The following SUCO variants were observed in gnomAD, a reference collection of about 807,000 sequenced individuals.
SUCO encodes the protein SUN domain containing ossification factor, also known as SUN domain-containing ossification factor.
SUCO carries 57 observed loss-of-function variants against 148.1 expected under a neutral mutation model. That is an observed-to-expected ratio of 0.38 (90% CI 0.31 to 0.48). SUCO has a LOEUF of 0.48. Among genes scored for constraint, SUCO ranks in the 20% least tolerant of loss-of-function variants. The probability of loss-of-function intolerance (pLI) is 0.96; values close to 1 mark genes in which losing one functional copy is unlikely to be tolerated. For missense variants in SUCO, 1,331 were observed against 1,468.2 expected, an observed-to-expected ratio of 0.91 and a Z score of 1.53; for synonymous variants, 470 against 502.7, an observed-to-expected ratio of 0.93 and a Z score of 0.87.
At chr1:172,595,910 A>G (rs1347390267) in intron 19 of SUCO, among the ~76,000 whole-genome samples, 1 of 152,222 alleles carries the variant, frequency 6.6e-6, no homozygotes, top group Non-Finnish European at 1.5e-5. Flanking sequence ...ACTTTCAGGT[A>G]CACCATTCAA....
Position 172,609,820 on chromosome 1 carries a change from A to T in SUCO, c.3326A>T (p.Lys1109Met). ...TTTCTTTTACTTGTGTTGTAGAAGA[A>T]GCGCTGCAAGTACAAAATTGAAAAA... ...PLKFSPEKKK[K>M]RCKYKIEKIE... is the part of the protein sequence containing the mutation. Residue 1109 changes from lysine to methionine, a missense_variant, in exon 24 of 24, where the codon AAG becomes ATG. Transcript: ENST00000263688. 1 of 1,590,934 alleles carries T rather than the reference A, an allele frequency of 6.3e-7. No individual in the cohort carries two copies. Among genetic ancestry groups the T allele is most frequent in the Non-Finnish European group, 8.5e-7 (1 of 1,173,076 alleles).
At chr1:172,570,641 TC>T (rs1377569392) in intron 8 of SUCO, 21 bp from the exon 9 acceptor site, 1 of 1,465,182 alleles carries the variant, frequency 6.8e-7, no homozygotes, top group African/African-American at 1.4e-5. Context: ...GTAATTTGTT[TC>T]CTTTCCTCTT....
At chr1:172,597,973 T>G (rs1319431827) in intron 19 of SUCO, among the ~76,000 whole-genome samples, 1 of 152,242 alleles carries the variant, frequency 6.6e-6, no homozygotes, top group Non-Finnish European at 1.5e-5. Context: ...AAGCCCAATA[T>G]ATCAGTTTTC....
At chr1:172,542,652 C>A in intron 1 of SUCO, 1 of 812,708 alleles carries the variant, frequency 1.2e-6, no homozygotes, top group Non-Finnish European at 1.5e-6. Context: ...TAATGGCCCC[C>A]CACCCCATCC....
intron 19 of SUCO, among the ~76,000 whole-genome samples, chr1:172,597,658 AT>A (rs1657221323): frequency 6.6e-6 from 1 of 152,104 alleles, no homozygotes; most frequent in Non-Finnish European, 1.5e-5. Flanking sequence ...AGGACTGGTA[AT>A]TATGACCGTT....
Position 172,533,235 on chromosome 1 carries a change from C to G in SUCO, c.-201C>G. Reference sequence around the variant, plus strand: ...GCGGTCCCCGGAGTCCTGTGAAGCGCCCCTGTCCGCGCCTCTGTGGGGCCC... The same window carrying G: ...GCGGTCCCCGGAGTCCTGTGAAGCGGCCCTGTCCGCGCCTCTGTGGGGCCC... On this transcript the variant is annotated 5_prime_UTR_variant, in exon 1 of 24. Transcript: ENST00000263688. 6.5e-7 allele frequency: 1 copy of G among 1,546,062 alleles called. No homozygotes were observed. Among genetic ancestry groups the G allele is most frequent in the Non-Finnish European group, 8.7e-7 (1 of 1,145,902 alleles).
At chr1:172,544,795 G>T (rs1231933384) in intron 1 of SUCO, among the ~76,000 whole-genome samples, 1 of 152,202 alleles carries the variant, frequency 6.6e-6, no homozygotes, top group Non-Finnish European at 1.5e-5. Context: ...AGAGAAGCTT[G>T]AGTTTTGTCA....
At chr1:172,576,428 T>C (rs1655444987) in intron 11 of SUCO, among the ~76,000 whole-genome samples, 1 of 151,716 alleles carries the variant, frequency 6.6e-6, no homozygotes, top group Non-Finnish European at 1.5e-5. Context: ...TATAAATAGG[T>C]AAACTTGTAG....
Position 172,570,716 on chromosome 1 carries a change from C to A in SUCO, c.1035C>A (p.Cys345Ter). Residue 345 changes from cysteine (C) to a stop codon, truncating the protein, a stop_gained, in exon 9 of 24, where the codon TGC becomes TGA. Transcript: ENST00000263688. LOFTEE classifies it high-confidence loss of function. ...ENMDLYMLNP[C>*]STKIWFVIEL... ...TGGATCTTTACATGTTGAATCCTTGCAGCACTAAAATTTGGTGAGTTATAC... is the reference window on the plus strand; with the variant it reads ...TGGATCTTTACATGTTGAATCCTTGAAGCACTAAAATTTGGTGAGTTATAC... 3 of 1,604,810 alleles carry A rather than the reference C, an allele frequency of 1.9e-6. No homozygotes were observed. Among genetic ancestry groups the A allele is most frequent in the Non-Finnish European group, 2.6e-6 (3 of 1,172,360 alleles).
At chr1:172,551,106 T>C (rs1430599515) in intron 1 of SUCO, among the ~76,000 whole-genome samples, 1 of 152,100 alleles carries the variant, frequency 6.6e-6, no homozygotes, top group Non-Finnish European at 1.5e-5. Context: ...AAAAATAATT[T>C]GGAAGCTTCT....
At chr1:172,594,859 C>T (rs150317086) in intron 19 of SUCO, among the ~76,000 whole-genome samples, 7 of 152,234 alleles carry the variant, frequency 4.6e-5, no homozygotes, top group East Asian at 1.9e-4. Flanking sequence ...ATTGATCTGT[C>T]GAATGTTGAC....
intron 1 of SUCO, among the ~76,000 whole-genome samples, chr1:172,538,409 G>A (rs1652185151): frequency 1.3e-5 from 2 of 152,034 alleles, no homozygotes; most frequent in African/African-American, 4.8e-5. Flanking sequence ...ATACATAAGT[G>A]AGCAGAAAAA....
At chr1:172,551,670 C>G (rs1407144053) in intron 2 of SUCO, 44 bp downstream of exon 2, 1 of 1,227,558 alleles carries the variant, frequency 8.1e-7, no homozygotes, top group Admixed American at 2.0e-5. Context: ...TGTCAGCTTT[C>G]TGAGAGTGTC....
chr1:172,595,795 G>A (rs1018722152), intron 19 of SUCO, among the ~76,000 whole-genome samples: 3 of 152,098 alleles, frequency 2.0e-5, no homozygotes, highest in Non-Finnish European at 4.4e-5. Context: ...GTGGCGTTCT[G>A]TGTATTTCCT....
chr1:172,569,549 A>G, intron 7 of SUCO: 12 of 972,844 alleles, frequency 1.2e-5, no homozygotes, highest in Non-Finnish European at 1.5e-5. Context: ...ACCTAAAGAA[A>G]AGCTTGCTTA....
chr1:172,573,937 A>G lies in SUCO; in HGVS notation c.1096A>G (p.Ile366Val). Residue 366 changes from isoleucine to valine, a missense_variant, in exon 10 of 24, where the codon ATT becomes GTT. Coordinates refer to ENST00000263688, the MANE Select transcript of SUCO (RefSeq NM_014283.5). ...ACCAATTCAAGTAAAACAGCTTGAT[A>G]TTGCAAATTATGAATTATTTTCTTC... is the stretch of plus-strand genomic sequence containing the variant. Reference protein sequence around the residue: ...CEPIQVKQLDIANYELFSSTP... With the variant: ...CEPIQVKQLDVANYELFSSTP... The G allele has an allele frequency of 6.2e-7, 1 of 1,601,930 alleles. No individual in the cohort carries two copies. Among genetic ancestry groups the G allele is most frequent in the South Asian group, 1.1e-5 (1 of 89,720 alleles).
At chr1:172,588,183 T>A (rs1656372627) in intron 17 of SUCO, 8 of 985,164 alleles carry the variant, frequency 8.1e-6, no homozygotes, top group Non-Finnish European at 9.6e-6. Context: ...GTGTGTGCGT[T>A]GTGTGTTTAA....
At chr1:172,554,563 C>G (rs1041296339) in intron 3 of SUCO, among the ~76,000 whole-genome samples, 1 of 151,944 alleles carries the variant, frequency 6.6e-6, no homozygotes, top group Admixed American at 6.5e-5. Context: ...ATGGTGAAAC[C>G]CTGTCTCTAC....
intron 17 of SUCO, among the ~76,000 whole-genome samples, chr1:172,587,581 A>G (rs1020908240): frequency 3.3e-5 from 5 of 152,270 alleles, no homozygotes; most frequent in Admixed American, 2.0e-4. Flanking sequence ...GAGACTAAAT[A>G]TATATGGCTA....
Sources: allele counts gnomAD v4.1 joint callset (sites outside exome capture counted in the v4.1 genomes callset), GRCh38; gene constraint gnomAD v4.1.1; transcripts MANE v1.5; gene names NCBI Gene and HGNC (gene_info 2026-07-23, HGNC 2026-07-21).